Variants in PPIG observed in about 807,000 individuals in gnomAD.
PPIG encodes peptidylprolyl isomerase G, also known as peptidyl-prolyl cis-trans isomerase G.
Under a neutral mutation model 87.9 loss-of-function variants are expected in PPIG, and 26 were observed. That is an observed-to-expected ratio of 0.30 (90% CI 0.22 to 0.41). The LOEUF is 0.41. Ranked by LOEUF, PPIG falls within the 10% of genes least tolerant of loss-of-function variation. The probability of loss-of-function intolerance (pLI) is 1.00; values close to 1 mark genes in which losing one functional copy is unlikely to be tolerated. For missense variants in PPIG, 722 were observed against 879.4 expected, an observed-to-expected ratio of 0.82 and a Z score of 2.26; for synonymous variants, 308 against 276.5, an observed-to-expected ratio of 1.11 and a Z score of -1.13.
intron 1 of PPIG, among the ~76,000 whole-genome samples, chr2:169,597,680 G>A (rs2105479197): frequency 6.6e-6 from 1 of 151,856 alleles, no homozygotes; most frequent in East Asian, 2.0e-4. Flanking sequence ...TATATTTTTA[G>A]TAAAGACATG....
intron 11 of PPIG, 68 bp downstream of exon 11, chr2:169,632,001 A>T: frequency 7.4e-7 from 1 of 1,345,466 alleles, no homozygotes; most frequent in Non-Finnish European, 9.7e-7. Flanking sequence ...AAAGTTATTT[A>T]TTTTAAACAA....
chr2:169,586,733 A>G (rs538974366), intron 1 of PPIG, among the ~76,000 whole-genome samples: 52 of 152,262 alleles, frequency 3.4e-4, no homozygotes, highest in Non-Finnish European at 6.3e-4. Flanking sequence ...TTTAAATAGT[A>G]GTTGCCCCTT....
At chr2:169,621,730 A>C (rs931625065) in intron 9 of PPIG, among the ~76,000 whole-genome samples, 2 of 148,322 alleles carry the variant, frequency 1.3e-5, no homozygotes, top group African/African-American at 5.0e-5. Context: ...CTACTTGACA[A>C]CTAATTTTTT....
chr2:169,606,174 T>C (rs752978792), intron 5 of PPIG, 28 bp downstream of exon 5: 163 of 1,491,652 alleles, frequency 1.1e-4, no homozygotes, highest in Non-Finnish European at 1.5e-4. Flanking sequence ...CATGTATTAT[T>C]TTCTGTTAAA....
At chr2:169,617,792 T>C (rs187594346) in intron 9 of PPIG, among the ~76,000 whole-genome samples, 368 of 152,330 alleles carry the variant, frequency 2.4e-3, no homozygotes, top group African/African-American at 8.5e-3. Flanking sequence ...AATCATGTCA[T>C]CTGCAAACAG....
chr2:169,609,400 G>A (rs932000050), intron 7 of PPIG, among the ~76,000 whole-genome samples: 16 of 151,606 alleles, frequency 1.1e-4, no homozygotes, highest in African/African-American at 3.9e-4. Flanking sequence ...TTGTAGAGAC[G>A]GGGTCTCCCT....
At chr2:169,590,848 T>A (rs2592802) in intron 1 of PPIG, among the ~76,000 whole-genome samples, 61,105 of 150,712 alleles carry the variant, frequency 0.41, 12,957 homozygotes, top group East Asian at 0.59. Flanking sequence ...CACAAAAAAA[T>A]TTTTAAAAAT....
intron 6 of PPIG, 91 bp downstream of exon 6, chr2:169,607,239 G>A (rs1574447629): frequency 1.2e-6 from 1 of 839,370 alleles, no homozygotes; most frequent in African/African-American, 1.8e-5. Flanking sequence ...ATTCATTAAA[G>A]GGTATACTAA....
At chr2:169,602,379 A>T (rs1217385627) in intron 1 of PPIG, among the ~76,000 whole-genome samples, 1 of 152,070 alleles carries the variant, frequency 6.6e-6, no homozygotes, top group African/African-American at 2.4e-5. Context: ...GCAGTGGTGC[A>T]GTCTTGGCTC....
intron 1 of PPIG, chr2:169,584,928 G>GA (rs1684657629): frequency 9.9e-6 from 2 of 202,400 alleles, no homozygotes; most frequent in Admixed American, 1.2e-4. Flanking sequence ...GGGGAAGGGG[G>GA]AGACAGCCTG....
At chr2:169,586,911 G>A (rs549433952) in intron 1 of PPIG, among the ~76,000 whole-genome samples, 23 of 152,188 alleles carry the variant, frequency 1.5e-4, no homozygotes, top group South Asian at 6.2e-4. Context: ...CTGTTGCATT[G>A]TGGCATTGCA....
chr2:169,623,944 A>G (rs986556647), intron 9 of PPIG, among the ~76,000 whole-genome samples: 1 of 152,168 alleles, frequency 6.6e-6, no homozygotes, highest in African/African-American at 2.4e-5. Context: ...GGTTTTTACA[A>G]ATAAAATATT....
rs1194208254 is a variant in PPIG at position 169,639,008 on chromosome 2, C to G, written c.*1485C>G. On this transcript the variant is annotated 3_prime_UTR_variant, in exon 14 of 14. Coordinates refer to ENST00000260970, the MANE Select transcript of PPIG (RefSeq NM_004792.3). The stretch of plus-strand genomic sequence containing the variant: ...CAGTAGCTACTCAATGCTATTTGTA[C>G]TGAATAAAGCAATTATTAACATGAT... 1 of 151,920 alleles carries G rather than the reference C, an allele frequency of 6.6e-6. No individual in the cohort carries two copies. Among genetic ancestry groups the G allele is most frequent in the Non-Finnish European group, 1.5e-5 (1 of 67,894 alleles). 9.4% of individuals were successfully genotyped at this position (151,920 alleles called of 1,614,324 possible). A position where few individuals can be genotyped will look rare whatever the true frequency, so the allele number is the denominator to read the frequency against.
At chr2:169,631,151 C>T (rs1362375064) in intron 10 of PPIG, among the ~76,000 whole-genome samples, 164 bp downstream of exon 10, 2 of 152,038 alleles carry the variant, frequency 1.3e-5, no homozygotes, top group Admixed American at 6.5e-5. Context: ...ATTTTGGGTA[C>T]GTTCATTTTC....
intron 8 of PPIG, 40 bp downstream of exon 8, chr2:169,614,533 T>A: frequency 6.4e-7 from 1 of 1,560,146 alleles, no homozygotes; most frequent in African/African-American, 1.4e-5. Flanking sequence ...TGTTTTAAAT[T>A]AACCTTGAAA....
intron 7 of PPIG, among the ~76,000 whole-genome samples, chr2:169,609,727 A>G (rs1685433108): frequency 6.6e-6 from 1 of 152,178 alleles, no homozygotes; most frequent in African/African-American, 2.4e-5. Flanking sequence ...TTAGAATGTC[A>G]ACTAATAAAT....
intron 4 of PPIG, among the ~76,000 whole-genome samples, chr2:169,605,639 G>GCTA (rs1685304394): frequency 1.3e-5 from 2 of 150,592 alleles, no homozygotes; most frequent in African/African-American, 2.4e-5. Flanking sequence ...CAGTCTCTAC[G>GCTA]AAAAAAAAAA....
chr2:169,626,558 A>G (rs1685893105), intron 9 of PPIG, among the ~76,000 whole-genome samples: 1 of 151,312 alleles, frequency 6.6e-6, no homozygotes, highest in Non-Finnish European at 1.5e-5. Flanking sequence ...TACTCAGCTA[A>G]TTTTTGTATT....
intron 9 of PPIG, among the ~76,000 whole-genome samples, chr2:169,625,339 T>G (rs949270449): frequency 6.6e-6 from 1 of 152,204 alleles, no homozygotes; most frequent in African/African-American, 2.4e-5. Flanking sequence ...TTATTCCACG[T>G]GTGTGTGAAT....
Sources: allele counts gnomAD v4.1 joint callset (sites outside exome capture counted in the v4.1 genomes callset), GRCh38; gene constraint gnomAD v4.1.1; transcripts MANE v1.5; gene names NCBI Gene and HGNC (gene_info 2026-07-23, HGNC 2026-07-21).